Variants in AFG2A observed in about 807,000 individuals in gnomAD.
AFG2A encodes AAA ATPase AFG2A, also known as ATPase family gene 2 protein homolog A.
chr4:123,142,317 A>G, the AFG2A span, among the ~76,000 whole-genome samples: 1 of 152,182 alleles, frequency 6.6e-6, no homozygotes, highest in South Asian at 2.1e-4. Flanking sequence ...CAGTGCTATC[A>G]TAGATGTAAA....
At chr4:122,985,132 T>C in the AFG2A span, among the ~76,000 whole-genome samples, 1 of 151,544 alleles carries the variant, frequency 6.6e-6, no homozygotes, top group African/African-American at 2.4e-5. Flanking sequence ...TTTCTTTTTT[T>C]TTTTTTTGAG....
chr4:123,283,476 G>A, the AFG2A span, among the ~76,000 whole-genome samples: 1 of 152,004 alleles, frequency 6.6e-6, no homozygotes, highest in African/African-American at 2.4e-5. Context: ...TGCAAAAAAA[G>A]AACAGCAGTT....
the AFG2A span, among the ~76,000 whole-genome samples, chr4:123,080,938 A>C: frequency 6.6e-6 from 1 of 151,948 alleles, no homozygotes; most frequent in Non-Finnish European, 1.5e-5. Flanking sequence ...ATTTTTTCTA[A>C]ATAGACTTTT....
At chr4:122,939,626 A>G in the AFG2A span, among the ~76,000 whole-genome samples, 1 of 150,354 alleles carries the variant, frequency 6.7e-6, no homozygotes, top group Non-Finnish European at 1.5e-5. Context: ...AAAGCTGGTC[A>G]TTTAGAATTT....
At chr4:123,039,970 A>G in the AFG2A span, among the ~76,000 whole-genome samples, 1 of 152,038 alleles carries the variant, frequency 6.6e-6, no homozygotes. Context: ...ACTCCATTTT[A>G]TGAGGACACA....
the AFG2A span, among the ~76,000 whole-genome samples, chr4:123,066,476 T>G: frequency 5.3e-5 from 8 of 152,298 alleles, no homozygotes. Flanking sequence ...GTAATTCTTT[T>G]GTGGCCTAGA....
chr4:123,096,649 A>G, the AFG2A span, among the ~76,000 whole-genome samples: 1 of 152,168 alleles, frequency 6.6e-6, no homozygotes, highest in East Asian at 1.9e-4. Flanking sequence ...TCCTAATAAG[A>G]ACTATTAAAT....
the AFG2A span, among the ~76,000 whole-genome samples, chr4:123,281,529 T>A: frequency 6.6e-6 from 1 of 152,214 alleles, no homozygotes; most frequent in South Asian, 2.1e-4. Context: ...ACAGTGCCAC[T>A]GGCTAGTCAC....
At chr4:123,241,362 A>G in the AFG2A span, among the ~76,000 whole-genome samples, 2 of 152,210 alleles carry the variant, frequency 1.3e-5, no homozygotes, top group East Asian at 1.9e-4. Context: ...TCCCTGATGA[A>G]CATCGATGCG....
the AFG2A span, among the ~76,000 whole-genome samples, chr4:123,073,973 G>T: frequency 6.6e-6 from 1 of 152,012 alleles, no homozygotes. Flanking sequence ...AAATGTAAAT[G>T]GTGGTCACAG....
At chr4:123,163,401 G>A in the AFG2A span, among the ~76,000 whole-genome samples, 2 of 152,034 alleles carry the variant, frequency 1.3e-5, no homozygotes, top group African/African-American at 2.4e-5. Context: ...GAGATTGCAC[G>A]GCTGCATTCC....
the AFG2A span, among the ~76,000 whole-genome samples, chr4:123,012,239 T>C: frequency 7.8e-6 from 1 of 128,040 alleles, no homozygotes; most frequent in Non-Finnish European, 1.6e-5. Context: ...TGGGAGGTGC[T>C]TGCCCCCCAG....
the AFG2A span, chr4:122,934,375 A>G: frequency 3.1e-6 from 5 of 1,614,100 alleles, no homozygotes; most frequent in Non-Finnish European, 4.2e-6. Context: ...CAGAATTACA[A>G]ATAAAGCCAG....
chr4:123,009,892 G>T, the AFG2A span, among the ~76,000 whole-genome samples: 139 of 151,966 alleles, frequency 9.1e-4, no homozygotes, highest in African/African-American at 3.3e-3. Context: ...GGCCATTATG[G>T]TGCTTATATG....
chr4:122,970,842 AT>A, the AFG2A span, among the ~76,000 whole-genome samples: 18 of 145,640 alleles, frequency 1.2e-4, no homozygotes, highest in Admixed American at 4.8e-4. Context: ...GTAAAAAAAA[AT>A]TTTTTTTTGA....
the AFG2A span, among the ~76,000 whole-genome samples, chr4:123,291,236 A>G: frequency 1.3e-5 from 2 of 151,948 alleles, no homozygotes; most frequent in African/African-American, 4.8e-5. Flanking sequence ...AAGACAGGAG[A>G]TATTTGGCTT....
chr4:123,174,157 T>C, the AFG2A span, among the ~76,000 whole-genome samples: 2 of 152,244 alleles, frequency 1.3e-5, no homozygotes, highest in African/African-American at 2.4e-5. Flanking sequence ...GCAAGCTATA[T>C]ACTTTGAGTA....
the AFG2A span, among the ~76,000 whole-genome samples, chr4:122,951,892 C>G: frequency 6.6e-6 from 1 of 152,136 alleles, no homozygotes; most frequent in African/African-American, 2.4e-5. Context: ...AGCAGCCTCC[C>G]TAAAAGACTA....
the AFG2A span, among the ~76,000 whole-genome samples, chr4:123,293,202 G>T: frequency 4.6e-5 from 7 of 152,166 alleles, no homozygotes; most frequent in African/African-American, 1.7e-4. Flanking sequence ...TCCTGTGGAG[G>T]AGTCCCAGCC....
Sources: gnomAD v4.1 joint callset for allele counts (sites outside exome capture counted in the v4.1 genomes callset) on GRCh38, gnomAD v4.1.1 for gene constraint, MANE v1.5 for transcripts, NCBI Gene and HGNC (gene_info 2026-07-23, HGNC 2026-07-21) for gene names.